TTYH3: variants seen among roughly 807,000 people sequenced by gnomAD.
The protein encoded by TTYH3 is protein tweety homolog 3.
Under a neutral mutation model 68.2 loss-of-function variants are expected in TTYH3, and 23 were observed. The observed-to-expected ratio is 0.34, with a 90% CI of 0.24 to 0.48. The LOEUF (loss-of-function observed/expected upper bound fraction) is 0.48, where lower values mean the gene tolerates loss of function less well. Ranked by LOEUF, TTYH3 falls within the 20% of genes least tolerant of loss-of-function variation. The pLI is 0.99. For synonymous variants in TTYH3, 360 were observed against 332.8 expected (o/e 1.08, Z -0.89); for missense variants, 768 against 727.7 (o/e 1.06, Z -0.64).
At chr7:2,647,909 C>G (rs765796808) in intron 4 of TTYH3, 50 bp from the exon 5 acceptor site, 1 of 1,593,248 alleles carries the variant, frequency 6.3e-7, no homozygotes, top group South Asian at 1.1e-5. Context: ...GCGCCCCACT[C>G]CCAGGCCCCG....
chr7:2,638,377 C>T (rs1039538448), intron 1 of TTYH3, among the ~76,000 whole-genome samples: 28 of 152,150 alleles, frequency 1.8e-4, no homozygotes, highest in Non-Finnish European at 2.1e-4. Flanking sequence ...GCGTGGGCAG[C>T]GGGAGAGCTG....
intron 7 of TTYH3, among the ~76,000 whole-genome samples, chr7:2,651,118 G>A (rs1786164190): frequency 6.6e-6 from 1 of 152,102 alleles, no homozygotes; most frequent in African/African-American, 2.4e-5. Flanking sequence ...GTGGACGTGG[G>A]AATCTGGAGA....
chr7:2,658,525 G>T, intron 12 of TTYH3, 66 bp downstream of exon 12: 1 of 1,525,018 alleles, frequency 6.6e-7, no homozygotes, highest in Admixed American at 1.9e-5. Flanking sequence ...GCGGATCTGG[G>T]CTGGGGCTAG....
chr7:2,650,197 C>G (rs1356294421), intron 7 of TTYH3, among the ~76,000 whole-genome samples: 1 of 152,184 alleles, frequency 6.6e-6, no homozygotes, highest in Non-Finnish European at 1.5e-5. Flanking sequence ...TGTGGGGTGG[C>G]GGGTGCCCGC....
At chr7:2,644,010 G>A (rs79835591) in intron 1 of TTYH3, among the ~76,000 whole-genome samples, 3 of 152,304 alleles carry the variant, frequency 2.0e-5, no homozygotes, top group Admixed American at 6.5e-5. Context: ...GGACTGGGGA[G>A]GCCTCTGCAA....
rs766931795 is a variant in TTYH3 at position 2,652,209 on chromosome 7, C to T, written c.894C>T (p.Ala298=). 1.2e-6 allele frequency: 2 copies of T among 1,613,230 alleles called. No individual in the cohort carries two copies. The highest frequency in any genetic ancestry group is 4.5e-5 in the East Asian group (2 of 44,888). ...LSGDILQYYL[A]CSPRAANPFQ... is the part of the protein sequence containing the mutation. ...CAGACATCCTGCAGTACTACCTGGC[C>T]TGCTCGCCCCGCGCCGCCAACCCCT... is the stretch of plus-strand genomic sequence containing the variant. The change falls in exon 8 of 14, where the codon GCC becomes GCT. Residue 298 remains alanine, a synonymous_variant. Coordinates refer to ENST00000258796, the MANE Select transcript of TTYH3 (RefSeq NM_025250.3).
intron 1 of TTYH3, 53 bp from the exon 2 acceptor site, chr7:2,646,800 G>A (rs1022376191): frequency 1.3e-6 from 2 of 1,540,432 alleles, no homozygotes; most frequent in African/African-American, 2.7e-5. Flanking sequence ...GCGGGGCGTG[G>A]GACTCTGAGC....
intron 11 of TTYH3, among the ~76,000 whole-genome samples, chr7:2,656,744 C>G (rs117910592): frequency 0.017 from 2,566 of 152,310 alleles, 37 homozygotes; most frequent in Non-Finnish European, 0.023. Flanking sequence ...AGGAAAACAG[C>G]CTGGAGGAGC....
chr7:2,651,240 A>G (rs1786167787), intron 7 of TTYH3, among the ~76,000 whole-genome samples: 1 of 152,206 alleles, frequency 6.6e-6, no homozygotes, highest in South Asian at 2.1e-4. Flanking sequence ...TTACTGAATG[A>G]CCTTGAAGGT....
intron 9 of TTYH3, among the ~76,000 whole-genome samples, chr7:2,653,443 A>G (rs1786246854): frequency 6.6e-6 from 1 of 152,260 alleles, no homozygotes; most frequent in Non-Finnish European, 1.5e-5. Context: ...ATGAGGGAAG[A>G]GAGTAACAGA....
chr7:2,658,059 G>A (rs918599757), intron 11 of TTYH3, among the ~76,000 whole-genome samples: 1 of 152,216 alleles, frequency 6.6e-6, no homozygotes, highest in Non-Finnish European at 1.5e-5. Context: ...CGCAGTACAG[G>A]GCCTGGCACT....
rs1786329511 is a variant in TTYH3, at chr7:2,656,202, G to A, written c.1113+18G>A. ...TGCATCTGGTGAGAGGCAGGGCCTG[G>A]GACAGGGCCATGGCAGCTTGTAGGG... is the stretch of plus-strand genomic sequence containing the variant. On this transcript the variant is annotated intron_variant, in intron 10 of 13. Transcript: ENST00000258796. 6.4e-7 allele frequency: 1 copy of A among 1,560,616 alleles called. No homozygotes were observed. The highest frequency in any genetic ancestry group is 8.7e-7 in the Non-Finnish European group (1 of 1,152,166).
At chr7:2,655,930 G>T (rs749726447) in intron 9 of TTYH3, among the ~76,000 whole-genome samples, 162 bp from the exon 10 acceptor site, 14 of 152,214 alleles carry the variant, frequency 9.2e-5, no homozygotes, top group Non-Finnish European at 1.8e-4. Flanking sequence ...AAGGCCCAGA[G>T]TCCTTGTCCT....
intron 1 of TTYH3, among the ~76,000 whole-genome samples, chr7:2,639,839 A>G (rs1785786066): frequency 6.6e-6 from 1 of 152,138 alleles, no homozygotes; most frequent in African/African-American, 2.4e-5. Flanking sequence ...GGGGCGGGGC[A>G]GGGCTGGAAC....
intron 5 of TTYH3, among the ~76,000 whole-genome samples, chr7:2,648,726 G>T (rs1409523059): frequency 1.3e-5 from 2 of 152,170 alleles, no homozygotes; most frequent in South Asian, 4.1e-4. Context: ...AGGAAAAGCC[G>T]GGGTGGTGTG....
At chr7:2,644,620 G>A (rs1399919807) in intron 1 of TTYH3, among the ~76,000 whole-genome samples, 2 of 152,206 alleles carry the variant, frequency 1.3e-5, no homozygotes, top group African/African-American at 4.8e-5. Flanking sequence ...TCCTGCCATT[G>A]CAGGGGCGGT....
chr7:2,662,004 G>T lies in TTYH3; in HGVS notation c.*265G>T. On this transcript the variant is annotated 3_prime_UTR_variant, in exon 14 of 14. Transcript: ENST00000258796. The stretch of plus-strand genomic sequence containing the variant: ...GCCCTGCACGCCACCCACTATCCCG[G>T]CACGCTCCCTCTGCAGATGGTCGCC... 1.7e-6 allele frequency: 1 copy of T among 587,488 alleles called. No homozygotes were observed. Among genetic ancestry groups the T allele is most frequent in the Non-Finnish European group, 3.0e-6 (1 of 328,834 alleles). The allele number at this position is 587,488 out of a possible 1,614,324, so 36.4% of individuals were successfully genotyped here. A position where few individuals can be genotyped will look rare whatever the true frequency, so the allele number is the denominator to read the frequency against.
chr7:2,640,000 C>G (rs1356137889), intron 1 of TTYH3, among the ~76,000 whole-genome samples: 1 of 58 alleles, frequency 0.017, no homozygotes, highest in Non-Finnish European at 0.05. Context: ...CGCTGCCTGG[C>G]CTGCCAGCTC....
At chr7:2,637,549 G>T (rs765909491) in intron 1 of TTYH3, among the ~76,000 whole-genome samples, 1 of 151,910 alleles carries the variant, frequency 6.6e-6, no homozygotes, top group South Asian at 2.1e-4. Context: ...AGGGGTGCAG[G>T]TTTAGGGGGC....
Sources: gnomAD v4.1 joint callset for allele counts (sites outside exome capture counted in the v4.1 genomes callset) on GRCh38, gnomAD v4.1.1 for gene constraint, MANE v1.5 for transcripts, NCBI Gene and HGNC (gene_info 2026-07-23, HGNC 2026-07-21) for gene names.